The following DYNC2I1 variants were observed in gnomAD, a reference collection of about 807,000 sequenced individuals.
DYNC2I1 encodes the protein cytoplasmic dynein 2 intermediate chain 1.
Under a neutral mutation model 133.4 loss-of-function variants are expected in DYNC2I1, and 89 were observed. The observed-to-expected ratio is 0.67, with a 90% CI of 0.56 to 0.80. The LOEUF is 0.80. Among genes scored for constraint, DYNC2I1 ranks in the 30% least tolerant of loss-of-function variants. The probability of loss-of-function intolerance (pLI) is 0.00; values close to 1 mark genes in which losing one functional copy is unlikely to be tolerated. For synonymous variants in DYNC2I1, 504 were observed against 484.3 expected, an observed-to-expected ratio of 1.04 and a Z score of -0.54; for missense variants, 1,291 against 1,314.5, an observed-to-expected ratio of 0.98 and a Z score of 0.28.
chr7:158,864,338 G>A (rs1056208860), intron 1 of DYNC2I1, among the ~76,000 whole-genome samples: 1 of 152,000 alleles, frequency 6.6e-6, no homozygotes, highest in Non-Finnish European at 1.5e-5. Flanking sequence ...GGGTTGGGCC[G>A]CGGTGTCTCT....
intron 14 of DYNC2I1, among the ~76,000 whole-genome samples, chr7:158,916,747 T>A (rs13239932): frequency 2.3e-4 from 8 of 35,356 alleles, no homozygotes; most frequent in East Asian, 3.4e-3. Context: ...GTGAAACGTC[T>A]ACACGCTGGT....
At position 158,869,882 on chromosome 7, in the gene DYNC2I1, G is replaced by T. The variant is rs371278454; in HGVS notation, c.43G>T (p.Ala15Ser). The T allele has an allele frequency of 4.3e-6, 7 of 1,613,490 alleles. No individual in the cohort carries two copies. Among genetic ancestry groups the T allele is most frequent in the Non-Finnish European group, 5.9e-6 (7 of 1,179,482 alleles). The change falls in exon 2 of 25, where the codon GCA (alanine) becomes TCA (serine). Residue 15 changes from alanine to serine, a missense_variant. Physicochemically the swap from Ala to Ser is moderately conservative, Grantham distance 99. Coordinates refer to ENST00000407559, the MANE Select transcript of DYNC2I1 (RefSeq NM_018051.5). ...AAGAACCAAAGATGATACCTGGAAA[G>T]CAGATGACCTCAGAAAACATCTCTG... ...KRRTKDDTWK[A>S]DDLRKHLWAI...
At position 158,953,877 on chromosome 7, in the gene DYNC2I1, A is replaced by G. The variant is rs1340287016; in HGVS notation, c.*57-2706A>G. Reference sequence around the variant, plus strand: ...TATATGCCTAAAAATTAGCTTGGGGAAGGTGGTGAATGGCATATACATACA... The same window carrying G: ...TATATGCCTAAAAATTAGCTTGGGGGAGGTGGTGAATGGCATATACATACA... On this transcript the variant is annotated intron_variant and NMD_transcript_variant, in intron 4 of 4. Coordinates refer to the DYNC2I1 transcript ENST00000454771. Among the ~76,000 whole-genome samples, 5 of 151,978 alleles carry G rather than the reference A, an allele frequency of 3.3e-5. No homozygotes were observed. The East Asian group carries it at 9.7e-4, about 29-fold the overall frequency.
chr7:158,931,873 G>T (rs955248717), intron 21 of DYNC2I1, among the ~76,000 whole-genome samples: 1 of 152,186 alleles, frequency 6.6e-6, no homozygotes. Flanking sequence ...TGCAGGGGGC[G>T]CTCCCTGCTT....
intron 23 of DYNC2I1, among the ~76,000 whole-genome samples, chr7:158,935,187 G>A (rs924164741): frequency 6.6e-6 from 1 of 152,228 alleles, no homozygotes; most frequent in African/African-American, 2.4e-5. Flanking sequence ...AGGGATGGCC[G>A]TCGGGCAGGC....
At chr7:158,912,440 T>G (rs1465094799) in intron 12 of DYNC2I1, among the ~76,000 whole-genome samples, 4 of 152,140 alleles carry the variant, frequency 2.6e-5, no homozygotes, top group African/African-American at 9.7e-5. Context: ...GCTGATGGCT[T>G]TTACAATTTT....
intron 1 of DYNC2I1, among the ~76,000 whole-genome samples, chr7:158,864,704 C>A (rs868366268): frequency 6.6e-6 from 1 of 151,702 alleles, no homozygotes. Context: ...TGGGGTCTTG[C>A]TGTGTTGCCC....
chr7:158,941,229 T>G (rs1168327608), intron 23 of DYNC2I1, among the ~76,000 whole-genome samples: 3 of 152,172 alleles, frequency 2.0e-5, no homozygotes, highest in Non-Finnish European at 4.4e-5. Context: ...CAAATTTGAT[T>G]TTATGAAAAT....
chr7:158,932,575 G>A (rs1029019179), intron 21 of DYNC2I1, among the ~76,000 whole-genome samples: 15 of 152,192 alleles, frequency 9.9e-5, no homozygotes, highest in African/African-American at 3.6e-4. Context: ...GTGCTAAAGG[G>A]TGTGGACATT....
At chr7:158,938,884 A>C (rs1023243031) in intron 23 of DYNC2I1, among the ~76,000 whole-genome samples, 1 of 152,198 alleles carries the variant, frequency 6.6e-6, no homozygotes, top group Non-Finnish European at 1.5e-5. Context: ...ACATGGACAA[A>C]CCCAGAATAC....
At chr7:158,871,879 CTT>C (rs1020666131) in intron 3 of DYNC2I1, among the ~76,000 whole-genome samples, 3 of 152,204 alleles carry the variant, frequency 2.0e-5, no homozygotes, top group Non-Finnish European at 4.4e-5. Flanking sequence ...ACATTTTCCT[CTT>C]TTGAAATGTT....
chr7:158,931,169 T>G (rs1850178281), intron 21 of DYNC2I1, among the ~76,000 whole-genome samples: 1 of 152,252 alleles, frequency 6.6e-6, no homozygotes, highest in Non-Finnish European at 1.5e-5. Context: ...GATTTAGATT[T>G]ATGCTTTTAC....
At chr7:158,899,862 A>T (rs1846077623) in intron 8 of DYNC2I1, among the ~76,000 whole-genome samples, 1 of 152,142 alleles carries the variant, frequency 6.6e-6, no homozygotes, top group Admixed American at 6.5e-5. Context: ...TTATGTCTTT[A>T]TCAGCAGTGT....
At chr7:158,954,153 C>T (rs1360853331) in intron 4 of DYNC2I1, among the ~76,000 whole-genome samples, 2 of 152,144 alleles carry the variant, frequency 1.3e-5, no homozygotes, top group Admixed American at 6.5e-5. Context: ...GGAAGACGTG[C>T]CTTTGCTTCT....
At chr7:158,863,905 T>TG (rs1842148147) in intron 1 of DYNC2I1, among the ~76,000 whole-genome samples, 1 of 10,744 alleles carries the variant, frequency 9.3e-5, no homozygotes, top group African/African-American at 3.8e-4. Context: ...TGTGTGGGGG[T>TG]GGGGAGCGGG....
intron 1 of DYNC2I1, among the ~76,000 whole-genome samples, chr7:158,862,552 TAAAAAAAA>T (rs71200073): frequency 7.6e-5 from 8 of 105,860 alleles, no homozygotes; most frequent in Admixed American, 7.4e-4. Context: ...CCCTATCTCT[TAAAAAAAA>T]AAAAAAAAAA....
At chr7:158,922,232 C>G in intron 15 of DYNC2I1, 145 bp from the exon 16 acceptor site, 1 of 741,134 alleles carries the variant, frequency 1.3e-6, no homozygotes, top group Non-Finnish European at 2.2e-6. Flanking sequence ...TCATCAAAAC[C>G]TACGTTTCAT....
At chr7:158,881,744 C>T (rs567779659) in intron 5 of DYNC2I1, among the ~76,000 whole-genome samples, 4 of 152,300 alleles carry the variant, frequency 2.6e-5, no homozygotes, top group East Asian at 3.9e-4. Context: ...TGAGCTACCG[C>T]GCCCGGCCAT....
At chr7:158,891,399 T>C in intron 8 of DYNC2I1, 66 bp downstream of exon 8, 2 of 1,577,200 alleles carry the variant, frequency 1.3e-6, no homozygotes, top group Non-Finnish European at 1.7e-6. Context: ...CACATTTGCT[T>C]GCTTTCCTGT....
Sources: gnomAD v4.1 joint callset for allele counts (sites outside exome capture counted in the v4.1 genomes callset) on GRCh38, gnomAD v4.1.1 for gene constraint, MANE v1.5 for transcripts, NCBI Gene and HGNC (gene_info 2026-07-23, HGNC 2026-07-21) for gene names.